UNC5C: variants seen among roughly 807,000 people sequenced by gnomAD.
The protein encoded by UNC5C is netrin receptor UNC5C.
Under a neutral mutation model 99.8 loss-of-function variants are expected in UNC5C, and 47 were observed. That is an observed-to-expected ratio of 0.47 (90% CI 0.37 to 0.60). UNC5C has a LOEUF of 0.60. UNC5C is among the 20% of genes least tolerant of loss of function. The probability of loss-of-function intolerance (pLI) is 0.00; values close to 1 mark genes in which losing one functional copy is unlikely to be tolerated. For synonymous variants in UNC5C, 487 were observed against 452.2 expected, an observed-to-expected ratio of 1.08 and a Z score of -0.98; for missense variants, 1,062 against 1,165.9, an observed-to-expected ratio of 0.91 and a Z score of 1.30.
At chr4:95,432,620 G>T (rs1332689503) in intron 1 of UNC5C, among the ~76,000 whole-genome samples, 1 of 152,052 alleles carries the variant, frequency 6.6e-6, no homozygotes, top group Non-Finnish European at 1.5e-5. Flanking sequence ...TCAGAACCCT[G>T]TTTGGGGCTG....
At chr4:95,444,572 C>A (rs1005703660) in intron 1 of UNC5C, among the ~76,000 whole-genome samples, 1 of 152,130 alleles carries the variant, frequency 6.6e-6, no homozygotes, top group East Asian at 1.9e-4. Flanking sequence ...ACCTCGTGAT[C>A]CGCCCGCCTC....
At chr4:95,206,162 G>A (rs780604114) in intron 11 of UNC5C, among the ~76,000 whole-genome samples, 5 of 151,624 alleles carry the variant, frequency 3.3e-5, no homozygotes, top group East Asian at 1.9e-4. Context: ...CACTGCGCCC[G>A]GCTAATTTTT....
chr4:95,224,852 A>T (rs1417919950), intron 7 of UNC5C, among the ~76,000 whole-genome samples: 4 of 148,974 alleles, frequency 2.7e-5, no homozygotes, highest in South Asian at 2.1e-4. Flanking sequence ...TTAAGGAAGA[A>T]TTTTTTTTTT....
At chr4:95,256,508 A>G (rs1487782697) in intron 4 of UNC5C, among the ~76,000 whole-genome samples, 1 of 151,062 alleles carries the variant, frequency 6.6e-6, no homozygotes, top group Non-Finnish European at 1.5e-5. Flanking sequence ...CCTCACTCCC[A>G]CCTCTTCCTG....
At chr4:95,244,783 G>A (rs554548041) in intron 6 of UNC5C, among the ~76,000 whole-genome samples, 194 bp downstream of exon 6, 7 of 152,264 alleles carry the variant, frequency 4.6e-5, no homozygotes, top group African/African-American at 1.4e-4. Flanking sequence ...AATTTTGCAT[G>A]TTTTGGTAAC....
intron 2 of UNC5C, among the ~76,000 whole-genome samples, chr4:95,316,405 G>A (rs562504030): frequency 1.4e-4 from 21 of 152,246 alleles, no homozygotes; most frequent in African/African-American, 2.4e-4. Context: ...ATGCAAAACC[G>A]TGGGGCTCTC....
intron 3 of UNC5C, among the ~76,000 whole-genome samples, chr4:95,295,490 A>G (rs1741640299): frequency 6.6e-6 from 1 of 152,120 alleles, no homozygotes; most frequent in African/African-American, 2.4e-5. Context: ...TACATTTTAC[A>G]TGGTTTGAAT....
intron 1 of UNC5C, among the ~76,000 whole-genome samples, chr4:95,423,859 C>A (rs756095697): frequency 1.3e-5 from 2 of 152,092 alleles, no homozygotes; most frequent in Non-Finnish European, 2.9e-5. Flanking sequence ...TCTCGAACAT[C>A]TTTTTAATCT....
intron 1 of UNC5C, among the ~76,000 whole-genome samples, chr4:95,478,144 T>G (rs1199666581): frequency 6.6e-6 from 1 of 152,008 alleles, no homozygotes; most frequent in East Asian, 1.9e-4. Flanking sequence ...ACACCCACTC[T>G]TAATTGACAA....
chr4:95,467,208 C>T (rs923378402), intron 1 of UNC5C, among the ~76,000 whole-genome samples: 5 of 152,260 alleles, frequency 3.3e-5, no homozygotes, highest in Admixed American at 2.0e-4. Flanking sequence ...TCCTAGATTC[C>T]CCACCCTCAG....
intron 1 of UNC5C, among the ~76,000 whole-genome samples, chr4:95,344,863 G>T (rs1490677232): frequency 2.6e-5 from 4 of 151,668 alleles, no homozygotes; most frequent in African/African-American, 9.7e-5. Context: ...AAAAAACAAA[G>T]AAATTTAAAA....
chr4:95,229,473 C>T (rs1738821190), intron 7 of UNC5C, among the ~76,000 whole-genome samples: 1 of 152,124 alleles, frequency 6.6e-6, no homozygotes. Flanking sequence ...TTTTTTATGG[C>T]TGCATAGTAT....
chr4:95,479,002 C>A (rs1364452759), intron 1 of UNC5C, among the ~76,000 whole-genome samples: 1 of 151,952 alleles, frequency 6.6e-6, no homozygotes, highest in South Asian at 2.1e-4. Flanking sequence ...CCTTCCGCTA[C>A]TAGTAAAAGC....
chr4:95,465,608 C>T (rs574683225), intron 1 of UNC5C, among the ~76,000 whole-genome samples: 1 of 152,016 alleles, frequency 6.6e-6, no homozygotes, highest in Non-Finnish European at 1.5e-5. Flanking sequence ...GGTAGATTTG[C>T]CCATCATTTT....
In UNC5C at chr4:95,291,833, A is replaced by G. The variant is rs1232934966; in HGVS notation, c.490+9773T>C. On this transcript the variant is annotated intron_variant, in intron 3 of 15. Transcript: ENST00000453304. ...TATTTAATCTTATCCAATTCAAAATATGGCCTCTGTTACTTATAATTGGAT... is the reference window on the plus strand; with the variant it reads ...TATTTAATCTTATCCAATTCAAAATGTGGCCTCTGTTACTTATAATTGGAT... Among the ~76,000 whole-genome samples the G allele has an allele frequency of 3.3e-5, 5 of 152,170 alleles. No individual in the cohort carries two copies. In the East Asian group the frequency reaches 7.7e-4, roughly 23 times the overall value.
chr4:95,317,690 G>A (rs1046171235), intron 2 of UNC5C, among the ~76,000 whole-genome samples: 2 of 152,264 alleles, frequency 1.3e-5, no homozygotes, highest in Admixed American at 6.5e-5. Flanking sequence ...CCGAGTAGAA[G>A]GCAGCAGACT....
chr4:95,437,513 G>C (rs535078666), intron 1 of UNC5C, among the ~76,000 whole-genome samples: 1 of 151,926 alleles, frequency 6.6e-6, no homozygotes, highest in Non-Finnish European at 1.5e-5. Flanking sequence ...AATTTTATAA[G>C]AGATGCTGAA....
At chr4:95,256,418 G>C (rs1337565926) in intron 4 of UNC5C, among the ~76,000 whole-genome samples, 2 of 152,006 alleles carry the variant, frequency 1.3e-5, no homozygotes, top group African/African-American at 4.8e-5. Context: ...GCCTGACTTA[G>C]TGTTGACCAC....
At position 95,182,934 on chromosome 4, in the gene UNC5C, TCTC is replaced by T; in HGVS notation, c.2411_2413del (p.Gly804del). The T allele has an allele frequency of 6.2e-7, 1 of 1,613,856 alleles. No individual in the cohort carries two copies. Among genetic ancestry groups the T allele is most frequent in the African/African-American group, 1.3e-5 (1 of 74,994 alleles). On this transcript the variant is annotated inframe_deletion, in exon 14 of 16. Transcript: ENST00000453304. ...GCAGTTGAGCTGGAAGATCTGCCCTTCTCCTTCCACCTGCCGCACACAGAGTTT... is the reference window on the plus strand; with the variant it reads ...GCAGTTGAGCTGGAAGATCTGCCCTTCTTCCACCTGCCGCACACAGAGTTT...
Sources: allele counts gnomAD v4.1 joint callset (sites outside exome capture counted in the v4.1 genomes callset), GRCh38; gene constraint gnomAD v4.1.1; transcripts MANE v1.5; gene names NCBI Gene and HGNC (gene_info 2026-07-23, HGNC 2026-07-21).